The following ZNF286A variants were observed in gnomAD, a reference collection of about 807,000 sequenced individuals.
The protein encoded by ZNF286A is zinc finger protein 286A.
A neutral mutation model predicts 49.3 loss-of-function variants in ZNF286A; 34 were observed. The observed-to-expected ratio is 0.69, with a 90% CI of 0.52 to 0.92. The LOEUF (loss-of-function observed/expected upper bound fraction) is 0.92, where lower values mean the gene tolerates loss of function less well. Ranked by LOEUF, ZNF286A falls within the 40% of genes least tolerant of loss-of-function variation. The pLI, the probability that ZNF286A is intolerant of heterozygous loss-of-function variation, is 0.00. For synonymous variants in ZNF286A, 155 were observed against 200.4 expected (o/e 0.77, Z 1.91); for missense variants, 462 against 600.2 (o/e 0.77, Z 2.41).
At chr17:15,707,042 G>T (rs1385730628) in intron 4 of ZNF286A, among the ~76,000 whole-genome samples, 1 of 152,128 alleles carries the variant, frequency 6.6e-6, no homozygotes, top group South Asian at 2.1e-4. Flanking sequence ...TAGATCCTGG[G>T]CTTACTAGCA....
At position 15,716,217 on chromosome 17, in the gene ZNF286A, C is replaced by T. The variant is rs1217990997; in HGVS notation, c.493C>T (p.Gln165Ter). The change falls in exon 6 of 6, where the codon CAG becomes TAG. Residue 165 changes from glutamine (Q) to a stop codon, truncating the protein, a stop_gained. Coordinates refer to ENST00000583566, the MANE Select transcript of ZNF286A (RefSeq NM_001130842.2). LOFTEE classifies it high-confidence loss of function. ...ALECENWLEN[Q>*]QGNQERHLRE... The stretch of plus-strand genomic sequence containing the variant: ...TGAATGTGAAAATTGGTTAGAGAAT[C>T]AGCAAGGAAATCAGGAGAGACATTT... The T allele has an allele frequency of 1.2e-6, 2 of 1,613,748 alleles. No individual in the cohort carries two copies. The highest frequency in any genetic ancestry group is 1.7e-6 in the Non-Finnish European group (2 of 1,179,834).
chr17:15,717,418 C>T lies in ZNF286A; in HGVS notation c.*128C>T, dbSNP rs1967124234. 1.2e-5 allele frequency: 17 copies of T among 1,436,822 alleles called. No individual in the cohort carries two copies. The highest frequency in any genetic ancestry group is 2.9e-5 in the African/African-American group (2 of 69,436). The allele number at this position is 1,436,822 out of a possible 1,614,324, so 89.0% of individuals were successfully genotyped here. ...TTCTGTATGCATCTAATTTCATTTG[C>T]GTAATACATAGTTTTGAGCCATAAG... On this transcript the variant is annotated 3_prime_UTR_variant, in exon 6 of 6. Transcript: ENST00000583566.
chr17:15,699,823 G>A (rs778256587), intron 1 of ZNF286A, 46 bp downstream of exon 1: 151 of 702,682 alleles, frequency 2.1e-4, no homozygotes, highest in Non-Finnish European at 2.9e-5. Context: ...CGGCCTCGGC[G>A]GTGGTTCCCC....
At chr17:15,703,010 C>T (rs528073090) in intron 3 of ZNF286A, among the ~76,000 whole-genome samples, 2 of 152,160 alleles carry the variant, frequency 1.3e-5, no homozygotes, top group Admixed American at 1.3e-4. Context: ...AGATTCTCTT[C>T]TAGTCATTCT....
At chr17:15,704,461 C>G in intron 3 of ZNF286A, 1 of 1,612,184 alleles carries the variant, frequency 6.2e-7, no homozygotes, top group South Asian at 1.1e-5. Context: ...CAGACGGGCC[C>G]GAGCCGCATA....
chr17:15,701,584 A>G (rs1401380939), intron 3 of ZNF286A: 3 of 173,928 alleles, frequency 1.7e-5, no homozygotes, highest in African/African-American at 7.1e-5. Context: ...TCTAGAGGAA[A>G]CAGCATGTAT....
At chr17:15,712,277 T>A (rs1377501920) in intron 5 of ZNF286A, among the ~76,000 whole-genome samples, 7 of 152,352 alleles carry the variant, frequency 4.6e-5, no homozygotes, top group South Asian at 2.1e-4. Context: ...ACTGATCAAC[T>A]GTTTGCAGCC....
Position 15,708,254 on chromosome 17 carries a change from C to G in ZNF286A, c.334+7C>G, listed in dbSNP as rs756267066. On this transcript the variant is annotated splice_region_variant and intron_variant, in intron 5 of 5. Coordinates refer to ENST00000583566, the MANE Select transcript of ZNF286A (RefSeq NM_001130842.2). ...CCCAAAAGCAGCTATTCAGGTGAGC[C>G]AGATAGATGGGAGTCTTCATAAATG... 1 of 1,569,274 alleles carries G rather than the reference C, an allele frequency of 6.4e-7. No individual in the cohort carries two copies. Among genetic ancestry groups the G allele is most frequent in the South Asian group, 1.2e-5 (1 of 82,974 alleles).
chr17:15,714,522 A>G (rs763828600), intron 5 of ZNF286A, among the ~76,000 whole-genome samples: 9 of 152,116 alleles, frequency 5.9e-5, no homozygotes, highest in Non-Finnish European at 1.2e-4. Context: ...TGCTTCATAG[A>G]TATTTGCATT....
intron 4 of ZNF286A, among the ~76,000 whole-genome samples, chr17:15,707,128 T>TA (rs1164656548): frequency 1.3e-5 from 2 of 152,012 alleles, no homozygotes; most frequent in Admixed American, 6.6e-5. Flanking sequence ...AAACCTTATG[T>TA]AAAAAAATCC....
chr17:15,708,554 C>T lies in ZNF286A; in HGVS notation c.334+307C>T, dbSNP rs1399055759. ...TCACTAATTTAGCACATTCATGTAA[C>T]GATTGCCCAAATCAAGAAAATAGCC... On this transcript the variant is annotated intron_variant, in intron 5 of 5. Coordinates refer to ENST00000583566, the MANE Select transcript of ZNF286A (RefSeq NM_001130842.2). 3.3e-5 allele frequency: 7 copies of T among 212,640 alleles called. No individual in the cohort carries two copies. In the East Asian group the frequency reaches 5.1e-4, roughly 15 times the overall value. 13.2% of individuals were successfully genotyped at this position (212,640 alleles called of 1,614,324 possible).
chr17:15,716,364 T>C lies in ZNF286A; in HGVS notation c.640T>C (p.Ser214Pro), dbSNP rs1239056178. 6.2e-7 allele frequency: 1 copy of C among 1,613,802 alleles called. No individual in the cohort carries two copies. The highest frequency in any genetic ancestry group is 8.5e-7 in the Non-Finnish European group (1 of 1,179,894). ...CACTGAAGACAGAGTTCCCAAAGGA[T>C]CTTATGCCTTCCATACACTTGAAAA... is the stretch of plus-strand genomic sequence containing the variant. Reference protein sequence around the residue: ...LITEDRVPKGSYAFHTLEKSL... With the variant: ...LITEDRVPKGPYAFHTLEKSL... Residue 214 changes from serine to proline, a missense_variant, in exon 6 of 6, where the codon TCT (serine) becomes CCT (proline). By Grantham distance (74) the Ser-to-Pro change is moderately conservative. Coordinates refer to ENST00000583566, the MANE Select transcript of ZNF286A (RefSeq NM_001130842.2).
intron 4 of ZNF286A, among the ~76,000 whole-genome samples, chr17:15,706,839 G>A (rs1296580884): frequency 6.6e-6 from 1 of 152,040 alleles, no homozygotes; most frequent in Non-Finnish European, 1.5e-5. Context: ...CTCTGTATTA[G>A]CTTTATTCCT....
chr17:15,705,663 G>A (rs1463852367), intron 3 of ZNF286A, among the ~76,000 whole-genome samples: 1 of 152,106 alleles, frequency 6.6e-6, no homozygotes, highest in Admixed American at 6.5e-5. Context: ...TCCAGTTAGA[G>A]CATTTGATTC....
intron 5 of ZNF286A, among the ~76,000 whole-genome samples, chr17:15,714,833 A>G (rs1372808539): frequency 6.6e-6 from 1 of 152,126 alleles, no homozygotes; most frequent in African/African-American, 2.4e-5. Flanking sequence ...AGATGAATGA[A>G]TATAATTTAT....
At chr17:15,710,575 T>A (rs1990575070) in intron 5 of ZNF286A, among the ~76,000 whole-genome samples, 1 of 152,222 alleles carries the variant, frequency 6.6e-6, no homozygotes, top group Non-Finnish European at 1.5e-5. Flanking sequence ...TCTGTCTATG[T>A]CTAATACCAG....
In ZNF286A at chr17:15,717,117, C is replaced by A. The variant is rs1967101121; in HGVS notation, c.1393C>A (p.Pro465Thr). 6.2e-7 allele frequency: 1 copy of A among 1,613,800 alleles called. No homozygotes were observed. Among genetic ancestry groups the A allele is most frequent in the Admixed American group, 1.7e-5 (1 of 59,974 alleles). Residue 465 changes from proline to threonine, a missense_variant, in exon 6 of 6, where the codon CCG becomes ACG. Physicochemically the swap from Pro to Thr is conservative, Grantham distance 38 (BLOSUM62 -1). This residue lies in a region of ZNF286A where 201 missense variants were observed against 311.3 expected (regional missense o/e 0.65). Transcript: ENST00000583566. ...KHQRIHIGKK[P>T]YKCSECGKAF... ...TCAAAGAATTCATATTGGAAAGAAA[C>A]CGTACAAATGTAGCGAGTGTGGAAA...
At position 15,717,065 on chromosome 17, in the gene ZNF286A, C is replaced by G. The variant is rs1215847433; in HGVS notation, c.1341C>G (p.Phe447Leu). The G allele has an allele frequency of 6.2e-7, 1 of 1,614,108 alleles. No individual in the cohort carries two copies. Among genetic ancestry groups the G allele is most frequent in the Non-Finnish European group, 8.5e-7 (1 of 1,180,034 alleles). The change falls in exon 6 of 6, where the codon TTC (phenylalanine) becomes TTG (leucine). Residue 447 changes from phenylalanine (F) to leucine (L), a missense_variant. Phe to Leu is a conservative substitution (Grantham distance 22, BLOSUM62 0). Around this residue, in one of 3 missense-constraint regions of ZNF286A, gnomAD observed 201 missense variants for 311.3 expected, o/e 0.65. Transcript: ENST00000583566. ...AGTGTAATGAATGTGGGAAAACCTTCAGCCGGAGCTCCAATTTTGCTAAAC... is the reference window on the plus strand; with the variant it reads ...AGTGTAATGAATGTGGGAAAACCTTGAGCCGGAGCTCCAATTTTGCTAAAC... Reference protein sequence around the residue: ...PYECNECGKTFSRSSNFAKHQ... With the variant: ...PYECNECGKTLSRSSNFAKHQ...
Position 15,708,225 on chromosome 17 carries a change from AGCCC to A in ZNF286A, c.313_316del (p.Ala105ProfsTer33). ...AAGAACCATTGAAGCTTGAGAGAAA[AGCCC>A]CCAAAAGCAGCTATTCAGGTGAGCC... On this transcript the variant is annotated frameshift_variant, in exon 5 of 6. Coordinates refer to ENST00000583566, the MANE Select transcript of ZNF286A (RefSeq NM_001130842.2). LOFTEE classifies it high-confidence loss of function. 6.3e-7 allele frequency: 1 copy of A among 1,590,404 alleles called. No homozygotes were observed. Among genetic ancestry groups the A allele is most frequent in the Non-Finnish European group, 8.6e-7 (1 of 1,168,460 alleles).
Sources: allele counts gnomAD v4.1 joint callset (sites outside exome capture counted in the v4.1 genomes callset), GRCh38; gene constraint gnomAD v4.1.1; regional missense constraint gnomAD v4.1.1; transcripts MANE v1.5; gene names NCBI Gene and HGNC (gene_info 2026-07-23, HGNC 2026-07-21).